The following KIAA1217 variants were observed in gnomAD, a reference collection of about 807,000 sequenced individuals.
KIAA1217 encodes KIAA1217.
In KIAA1217, 88 loss-of-function variants were observed where a neutral mutation model predicts 163.9. The ratio of observed to expected loss-of-function variants is 0.54; its 90% CI spans 0.45 to 0.64. The LOEUF (loss-of-function observed/expected upper bound fraction) is 0.64, where lower values mean the gene tolerates loss of function less well. Ranked by LOEUF, KIAA1217 falls within the 30% of genes least tolerant of loss-of-function variation. The pLI, the probability that KIAA1217 is intolerant of heterozygous loss-of-function variation, is 0.00. For missense variants in KIAA1217, 2,372 were observed against 2,475.0 expected, an observed-to-expected ratio of 0.96 and a Z score of 0.88; for synonymous variants, 903 against 923.1, an observed-to-expected ratio of 0.98 and a Z score of 0.39.
At chr10:24,084,508 G>A (rs1421172901) in intron 2 of KIAA1217, among the ~76,000 whole-genome samples, 2 of 152,200 alleles carry the variant, frequency 1.3e-5, no homozygotes, top group African/African-American at 4.8e-5. Flanking sequence ...TGAGAGCCAT[G>A]AAAATGAATG....
chr10:23,954,714 G>A (rs776740894), intron 1 of KIAA1217, among the ~76,000 whole-genome samples: 2 of 152,086 alleles, frequency 1.3e-5, no homozygotes, highest in Non-Finnish European at 1.5e-5. Flanking sequence ...CTCTATGCTG[G>A]GAACTTGACA....
In KIAA1217 at chr10:24,544,990, G is replaced by A; in HGVS notation, c.5221G>A (p.Gly1741Arg). The change falls in exon 20 of 21, where the codon GGG (glycine) becomes AGG (arginine). Residue 1741 changes from glycine to arginine, a missense_variant. By Grantham distance (125) the Gly-to-Arg change is moderately radical. Transcript: ENST00000376454. ...CTGGTCCTTCCCACAGGGCTCCAGC[G>A]GGGCCCCACAGACGAGCAGGATGCC... ...IPSASRKGSS[G>R]APQTSRMPVP... 4 of 1,613,908 alleles carry A rather than the reference G, an allele frequency of 2.5e-6. No individual in the cohort carries two copies. Among genetic ancestry groups the A allele is most frequent in the South Asian group, 1.1e-5 (1 of 91,042 alleles).
At chr10:23,972,342 G>A (rs552850750) in intron 1 of KIAA1217, among the ~76,000 whole-genome samples, 38 of 152,218 alleles carry the variant, frequency 2.5e-4, no homozygotes, top group African/African-American at 8.9e-4. Flanking sequence ...ATTTACAATA[G>A]CAAAGACATG....
chr10:24,291,554 C>A (rs1590662948), intron 2 of KIAA1217, among the ~76,000 whole-genome samples: 1 of 152,232 alleles, frequency 6.6e-6, no homozygotes, highest in African/African-American at 2.4e-5. Flanking sequence ...TTCACTCAAT[C>A]ATTTCACTTC....
intron 1 of KIAA1217, among the ~76,000 whole-genome samples, chr10:23,711,731 A>G (rs1469468832): frequency 6.6e-6 from 1 of 152,196 alleles, no homozygotes; most frequent in African/African-American, 2.4e-5. Flanking sequence ...AGCATGGTCC[A>G]GTTCATGTCA....
At chr10:24,260,677 C>T (rs1325303808) in intron 2 of KIAA1217, among the ~76,000 whole-genome samples, 2 of 149,474 alleles carry the variant, frequency 1.3e-5, no homozygotes, top group Non-Finnish European at 3.0e-5. Context: ...CCCAGGAGTT[C>T]GAGGCTGCAG....
At chr10:24,360,177 G>A (rs893114596) in intron 2 of KIAA1217, among the ~76,000 whole-genome samples, 1 of 150,406 alleles carries the variant, frequency 6.6e-6, no homozygotes, top group Admixed American at 6.7e-5. Flanking sequence ...TTCCCGAGTA[G>A]CTGGGATTAC....
chr10:24,154,252 C>A (rs962102923), intron 2 of KIAA1217, among the ~76,000 whole-genome samples: 1 of 151,872 alleles, frequency 6.6e-6, no homozygotes, highest in Non-Finnish European at 1.5e-5. Context: ...CCACCCCGCC[C>A]GGCCAAAAAA....
chr10:24,442,538 C>T (rs556117584), intron 5 of KIAA1217, among the ~76,000 whole-genome samples: 55 of 152,172 alleles, frequency 3.6e-4, no homozygotes, highest in Admixed American at 9.2e-4. Flanking sequence ...AGATCATTTC[C>T]GTGGTTTCCA....
chr10:23,852,248 C>T (rs1839385283), intron 1 of KIAA1217, among the ~76,000 whole-genome samples: 1 of 152,104 alleles, frequency 6.6e-6, no homozygotes. Context: ...GCCAGTTTTC[C>T]CAGCACCATT....
intron 2 of KIAA1217, among the ~76,000 whole-genome samples, chr10:24,280,173 G>A (rs182708536): frequency 2.0e-5 from 3 of 152,278 alleles, no homozygotes; most frequent in South Asian, 2.1e-4. Flanking sequence ...TGGTGATTAC[G>A]TATGTCAAAA....
At chr10:24,238,710 A>G (rs2072630461) in intron 2 of KIAA1217, among the ~76,000 whole-genome samples, 1 of 152,158 alleles carries the variant, frequency 6.6e-6, no homozygotes, top group Admixed American at 6.6e-5. Context: ...AGAGTGGAAA[A>G]GAAGTATCAA....
chr10:24,485,087 C>G (rs932000221), intron 6 of KIAA1217, among the ~76,000 whole-genome samples: 1 of 137,310 alleles, frequency 7.3e-6, no homozygotes, highest in South Asian at 2.9e-4. Context: ...TGGACCTGCC[C>G]GCTTTTTTTT....
intron 3 of KIAA1217, among the ~76,000 whole-genome samples, chr10:24,429,107 A>G (rs1178849665): frequency 1.3e-5 from 2 of 152,198 alleles, no homozygotes; most frequent in African/African-American, 4.8e-5. Context: ...TTGGATAGGT[A>G]TAGACCTAGA....
intron 1 of KIAA1217, among the ~76,000 whole-genome samples, chr10:23,884,080 AT>A (rs1462668440): frequency 6.6e-6 from 1 of 151,870 alleles, no homozygotes; most frequent in Non-Finnish European, 1.5e-5. Flanking sequence ...CTGTGTACAG[AT>A]TTTTGTGTGG....
intron 1 of KIAA1217, among the ~76,000 whole-genome samples, chr10:23,819,904 C>T (rs1002306474): frequency 2.0e-5 from 3 of 152,168 alleles, no homozygotes; most frequent in Admixed American, 6.5e-5. Flanking sequence ...AGTTTCTCTC[C>T]GTGTAAAATA....
intron 2 of KIAA1217, among the ~76,000 whole-genome samples, chr10:24,245,656 A>G (rs1380722666): frequency 1.3e-5 from 2 of 151,790 alleles, no homozygotes; most frequent in East Asian, 3.9e-4. Context: ...TTCCGAGACA[A>G]GGTCTCTCTT....
intron 1 of KIAA1217, among the ~76,000 whole-genome samples, chr10:23,920,297 A>T (rs1842805895): frequency 6.6e-6 from 1 of 152,220 alleles, no homozygotes. Flanking sequence ...TCAGAGGTAG[A>T]CATCGGACAC....
At chr10:24,100,121 G>T (rs1054589921) in intron 2 of KIAA1217, among the ~76,000 whole-genome samples, 4 of 151,546 alleles carry the variant, frequency 2.6e-5, no homozygotes, top group African/African-American at 9.7e-5. Context: ...TCATTTCATT[G>T]GTCTTCAATC....
Sources: allele counts gnomAD v4.1 joint callset (sites outside exome capture counted in the v4.1 genomes callset), GRCh38; gene constraint gnomAD v4.1.1; transcripts MANE v1.5; gene names NCBI Gene and HGNC (gene_info 2026-07-23, HGNC 2026-07-21).